The following UMAD1 variants were observed in gnomAD, a reference collection of about 807,000 sequenced individuals.
The protein encoded by UMAD1 is UBAP1-MVB12-associated (UMA)-domain containing protein 1.
A neutral mutation model predicts 6.1 loss-of-function variants in UMAD1; 8 were observed. The ratio of observed to expected loss-of-function variants is 1.30; its 90% confidence interval spans 0.76 to 2.35. The LOEUF (loss-of-function observed/expected upper bound fraction) is 2.35, where lower values mean the gene tolerates loss of function less well. UMAD1 is among the 30% of genes most tolerant of loss of function. The pLI is 0.00. For missense variants in UMAD1, 130 were observed against 78.4 expected (o/e 1.66, Z -2.49); for synonymous variants, 56 against 31.4 (o/e 1.78, Z -2.61).
At position 7,658,688 on chromosome 7, in the gene UMAD1, T is replaced by C. The variant is rs1785402968; in HGVS notation, c.-63-14621T>C. Among the ~76,000 whole-genome samples, 3 of 152,242 alleles carry C rather than the reference T, an allele frequency of 2.0e-5. 1 individual carries two copies. In the South Asian group the frequency reaches 6.2e-4, roughly 32 times the overall value. On this transcript the variant is annotated intron_variant, in intron 1 of 3. Coordinates refer to ENST00000682710, the MANE Select transcript of UMAD1 (RefSeq NM_001302348.2). ...ATTTGATTGTGGTGGATAAGCTATTTGATGTGCTGTTGGATTCAGTTTGCC... is the reference window on the plus strand; with the variant it reads ...ATTTGATTGTGGTGGATAAGCTATTCGATGTGCTGTTGGATTCAGTTTGCC...
At chr7:7,670,774 C>G (rs1563105319) in intron 1 of UMAD1, among the ~76,000 whole-genome samples, 1 of 152,184 alleles carries the variant, frequency 6.6e-6, no homozygotes, top group Admixed American at 6.5e-5. Context: ...AGCATAATTG[C>G]CAAAACCACT....
intron 2 of UMAD1, among the ~76,000 whole-genome samples, chr7:7,781,777 A>G (rs948712872): frequency 9.9e-5 from 15 of 152,070 alleles, no homozygotes; most frequent in Non-Finnish European, 5.9e-5. Flanking sequence ...TTTTTCCCTT[A>G]TAATACTTTT....
chr7:7,700,666 T>C (rs1413170938), intron 2 of UMAD1, among the ~76,000 whole-genome samples: 3 of 152,194 alleles, frequency 2.0e-5, no homozygotes. Context: ...GGTGAGCAGA[T>C]CACCCAAGGT....
intron 3 of UMAD1, among the ~76,000 whole-genome samples, chr7:7,829,949 G>C (rs764831646): frequency 6.6e-6 from 1 of 152,098 alleles, no homozygotes; most frequent in Non-Finnish European, 1.5e-5. Context: ...CCTGTGCCAG[G>C]ACCAGAGATC....
chr7:7,789,854 G>T (rs925141909), intron 2 of UMAD1, among the ~76,000 whole-genome samples: 4 of 152,110 alleles, frequency 2.6e-5, no homozygotes, highest in Non-Finnish European at 4.4e-5. Context: ...TCATCTGTCA[G>T]TGAAGACTAG....
chr7:7,779,190 C>T (rs562709869), intron 2 of UMAD1, among the ~76,000 whole-genome samples: 30 of 152,200 alleles, frequency 2.0e-4, no homozygotes, highest in African/African-American at 7.0e-4. Context: ...TATCCTCTGG[C>T]TCAAATTTTT....
chr7:7,828,894 T>A (rs1279560667), intron 3 of UMAD1, among the ~76,000 whole-genome samples: 1 of 152,196 alleles, frequency 6.6e-6, no homozygotes, highest in Non-Finnish European at 1.5e-5. Flanking sequence ...AAGTTTGAAC[T>A]CTATTTTGTA....
At chr7:7,839,476 A>T (rs1401198126) in intron 3 of UMAD1, among the ~76,000 whole-genome samples, 1 of 152,042 alleles carries the variant, frequency 6.6e-6, no homozygotes, top group Admixed American at 6.6e-5. Flanking sequence ...CGGCCACCAA[A>T]CCCGGCCAGA....
At chr7:7,751,976 A>C (rs1004898848) in intron 2 of UMAD1, among the ~76,000 whole-genome samples, 8 of 152,216 alleles carry the variant, frequency 5.3e-5, no homozygotes, top group Admixed American at 5.2e-4. Context: ...TTGAGTTGAG[A>C]ATATACAACT....
At chr7:7,666,965 A>G (rs1392591668) in intron 1 of UMAD1, among the ~76,000 whole-genome samples, 1 of 152,098 alleles carries the variant, frequency 6.6e-6, no homozygotes, top group Non-Finnish European at 1.5e-5. Flanking sequence ...GCGCCACCAC[A>G]TCCAGCTAAT....
intron 3 of UMAD1, among the ~76,000 whole-genome samples, chr7:7,829,650 C>T (rs1783422794): frequency 3.9e-5 from 6 of 152,166 alleles, no homozygotes; most frequent in Admixed American, 3.9e-4. Flanking sequence ...GTTTCATATT[C>T]TGACATGATT....
intron 3 of UMAD1, among the ~76,000 whole-genome samples, chr7:7,838,156 TGAAA>T (rs1043441494): frequency 1.3e-5 from 2 of 150,640 alleles, no homozygotes; most frequent in African/African-American, 5.0e-5. Flanking sequence ...AAACATTTTC[TGAAA>T]GAGAGGCCAG....
chr7:7,807,824 G>A (rs1368079815), intron 3 of UMAD1, among the ~76,000 whole-genome samples: 2 of 152,024 alleles, frequency 1.3e-5, no homozygotes, highest in African/African-American at 4.8e-5. Context: ...AGTAGTGTTT[G>A]TCTCTTCTTC....
At chr7:7,833,782 G>A (rs529003880) in intron 3 of UMAD1, among the ~76,000 whole-genome samples, 7 of 152,210 alleles carry the variant, frequency 4.6e-5, no homozygotes, top group African/African-American at 1.4e-4. Flanking sequence ...CTTTAATCAT[G>A]GAATAGCAGC....
At chr7:7,743,445 T>G (rs140271087) in intron 2 of UMAD1, among the ~76,000 whole-genome samples, 1 of 152,118 alleles carries the variant, frequency 6.6e-6, no homozygotes, top group African/African-American at 2.4e-5. Flanking sequence ...AATTATAACA[T>G]TGAAAACAGA....
intron 2 of UMAD1, among the ~76,000 whole-genome samples, chr7:7,778,451 G>A (rs1019653395): frequency 6.6e-6 from 1 of 150,410 alleles, no homozygotes; most frequent in Non-Finnish European, 1.5e-5. Context: ...TTTTTTAAAG[G>A]CAGGTCTTGT....
At chr7:7,814,341 T>G (rs1356073751) in intron 3 of UMAD1, among the ~76,000 whole-genome samples, 1 of 152,206 alleles carries the variant, frequency 6.6e-6, no homozygotes. Context: ...CTTTTTCTCA[T>G]GGCCATTGTA....
At chr7:7,860,797 A>AC (rs1697449191) in intron 3 of UMAD1, among the ~76,000 whole-genome samples, 1 of 149,800 alleles carries the variant, frequency 6.7e-6, no homozygotes, top group African/African-American at 2.5e-5. Flanking sequence ...AATAACAAAA[A>AC]AAATAATAAT....
At chr7:7,762,395 G>A (rs1303271459) in intron 2 of UMAD1, among the ~76,000 whole-genome samples, 1 of 152,138 alleles carries the variant, frequency 6.6e-6, no homozygotes, top group Non-Finnish European at 1.5e-5. Context: ...GAGGTTTCTT[G>A]CTAACATTCT....
Sources: allele counts gnomAD v4.1 joint callset (sites outside exome capture counted in the v4.1 genomes callset), GRCh38; gene constraint gnomAD v4.1.1; transcripts MANE v1.5; gene names NCBI Gene and HGNC (gene_info 2026-07-23, HGNC 2026-07-21).